CYB5A: variants seen among roughly 807,000 people sequenced by gnomAD.
CYB5A encodes the protein cytochrome b5.
In CYB5A, 10 loss-of-function variants were observed where a neutral mutation model predicts 16.2. That is an observed-to-expected ratio of 0.62 (90% CI 0.38 to 1.04). The LOEUF is 1.04. CYB5A is among the 50% of genes least tolerant of loss of function. The pLI, the probability that CYB5A is intolerant of heterozygous loss-of-function variation, is 0.01. For missense variants in CYB5A, 161 were observed against 165.9 expected, an observed-to-expected ratio of 0.97 and a Z score of 0.16; for synonymous variants, 62 against 57.0, an observed-to-expected ratio of 1.09 and a Z score of -0.40.
chr18:74,281,910 G>GGCCT (rs763355050), intron 1 of CYB5A, among the ~76,000 whole-genome samples: 82 of 152,124 alleles, frequency 5.4e-4, no homozygotes, highest in Middle Eastern at 3.4e-3. Flanking sequence ...GGCCTGGAGG[G>GGCCT]GCCTGGTTTA....
intron 1 of CYB5A, among the ~76,000 whole-genome samples, chr18:74,279,684 G>A (rs1983017355): frequency 6.6e-6 from 1 of 151,974 alleles, no homozygotes; most frequent in African/African-American, 2.4e-5. Flanking sequence ...CAAATAACTA[G>A]GCCTCTCTTT....
At chr18:74,286,804 A>T (rs1983337847) in intron 1 of CYB5A, among the ~76,000 whole-genome samples, 1 of 152,222 alleles carries the variant, frequency 6.6e-6, no homozygotes, top group Admixed American at 6.5e-5. Flanking sequence ...AAAATTGTGC[A>T]TGTTATTTAT....
chr18:74,275,803 T>G (rs1982849662), intron 1 of CYB5A, among the ~76,000 whole-genome samples: 1 of 152,038 alleles, frequency 6.6e-6, no homozygotes, highest in South Asian at 2.1e-4. Flanking sequence ...CCCTTTAGAA[T>G]AGTTAGGATG....
intron 1 of CYB5A, among the ~76,000 whole-genome samples, chr18:74,274,114 G>T (rs1982776748): frequency 6.6e-6 from 1 of 152,200 alleles, no homozygotes; most frequent in South Asian, 2.1e-4. Context: ...AAGAAAAAAT[G>T]AATAGCAGAG....
intron 1 of CYB5A, among the ~76,000 whole-genome samples, chr18:74,267,346 G>A (rs544053632): frequency 4.6e-5 from 7 of 152,164 alleles, no homozygotes; most frequent in African/African-American, 1.7e-4. Flanking sequence ...TAGTAGAGAC[G>A]GGATTTCACC....
intron 1 of CYB5A, among the ~76,000 whole-genome samples, chr18:74,288,966 CAT>C (rs1237352811): frequency 6.6e-6 from 1 of 152,184 alleles, no homozygotes; most frequent in African/African-American, 2.4e-5. Flanking sequence ...CCCAGAACCA[CAT>C]GTTGGCAGAC....
Position 74,260,889 on chromosome 18 carries a change from G to T in CYB5A, c.288+26C>A, listed in dbSNP as rs1424254354. 2.5e-6 allele frequency: 4 copies of T among 1,602,168 alleles called. No individual in the cohort carries two copies. The South Asian group carries it at 4.4e-5, about 18-fold the overall frequency. ...GTATTAAATACAACGAGAACATCCAGAGATACTTGAGATGGTCACACTTAC... is the reference window on the plus strand; with the variant it reads ...GTATTAAATACAACGAGAACATCCATAGATACTTGAGATGGTCACACTTAC... On this transcript the variant is annotated intron_variant, in intron 3 of 4. Coordinates refer to ENST00000340533, the MANE Select transcript of CYB5A (RefSeq NM_148923.4).
intron 1 of CYB5A, among the ~76,000 whole-genome samples, chr18:74,276,473 A>G (rs961686437): frequency 2.0e-5 from 3 of 151,894 alleles, no homozygotes; most frequent in Admixed American, 2.0e-4. Context: ...CTAAACCTCA[A>G]GAAATTTTGT....
At chr18:74,269,093 G>T (rs1355195879) in intron 1 of CYB5A, among the ~76,000 whole-genome samples, 1 of 152,108 alleles carries the variant, frequency 6.6e-6, no homozygotes, top group Non-Finnish European at 1.5e-5. Flanking sequence ...AAATTCAGAA[G>T]ACATTAACTG....
intron 1 of CYB5A, chr18:74,290,873 C>CA (rs1359989832): frequency 7.3e-5 from 11 of 151,634 alleles, no homozygotes; most frequent in Admixed American, 6.6e-4. Flanking sequence ...AGTTAACCAA[C>CA]GTTTCCTATT....
rs766060757 is a variant in CYB5A at position 74,253,492 on chromosome 18, T to A, written c.*92A>T. The A allele has an allele frequency of 1.1e-5, 8 of 758,200 alleles. No individual in the cohort carries two copies. The highest frequency in any genetic ancestry group is 1.7e-5 in the Non-Finnish European group (7 of 423,870). The allele number at this position is 758,200 out of a possible 1,614,324, so 47.0% of individuals were successfully genotyped here. On this transcript the variant is annotated 3_prime_UTR_variant, in exon 5 of 5. Transcript: ENST00000340533. Reference sequence around the variant, plus strand: ...ATATATTAAAATCATTGTTTTCAAGTGAAGGTTTCTGTCAGTTGAAGTAGT... The same window carrying A: ...ATATATTAAAATCATTGTTTTCAAGAGAAGGTTTCTGTCAGTTGAAGTAGT...
At chr18:74,278,013 A>T (rs1982947481) in intron 1 of CYB5A, among the ~76,000 whole-genome samples, 1 of 152,246 alleles carries the variant, frequency 6.6e-6, no homozygotes, top group African/African-American at 2.4e-5. Flanking sequence ...GTCTAGGGAC[A>T]AATAATGATG....
At chr18:74,261,942 AAGG>A (rs1982218190) in intron 2 of CYB5A, among the ~76,000 whole-genome samples, 1 of 152,156 alleles carries the variant, frequency 6.6e-6, no homozygotes, top group Non-Finnish European at 1.5e-5. Context: ...CACAAGTGGG[AAGG>A]CAGGACGGAG....
intron 1 of CYB5A, among the ~76,000 whole-genome samples, chr18:74,283,803 T>C (rs1031956811): frequency 6.6e-6 from 1 of 152,168 alleles, no homozygotes; most frequent in Non-Finnish European, 1.5e-5. Flanking sequence ...GCCCGCAGCC[T>C]GGACTGAAGC....
At chr18:74,289,212 C>A (rs958393155) in intron 1 of CYB5A, among the ~76,000 whole-genome samples, 1 of 152,174 alleles carries the variant, frequency 6.6e-6, no homozygotes, top group Admixed American at 6.5e-5. Context: ...TTGTTTTCAG[C>A]TAATTTACCC....
intron 1 of CYB5A, among the ~76,000 whole-genome samples, chr18:74,280,870 C>T (rs1983071048): frequency 6.6e-6 from 1 of 152,178 alleles, no homozygotes; most frequent in Non-Finnish European, 1.5e-5. Flanking sequence ...ACAACTGCAG[C>T]CATATCCTAA....
At chr18:74,291,614 C>CA (rs1444227424) in intron 1 of CYB5A, 133 bp downstream of exon 1, 2 of 1,355,256 alleles carry the variant, frequency 1.5e-6, no homozygotes, top group Non-Finnish European at 2.0e-6. Context: ...CGTACACGCG[C>CA]AGGTGAGCGA....
chr18:74,275,444 C>T (rs1982832578), intron 1 of CYB5A, among the ~76,000 whole-genome samples: 2 of 152,120 alleles, frequency 1.3e-5, no homozygotes, highest in Admixed American at 6.6e-5. Context: ...ATGAGGCTGT[C>T]CCCAGGACAG....
intron 1 of CYB5A, among the ~76,000 whole-genome samples, chr18:74,267,783 TGTG>T (rs1982501052): frequency 6.6e-6 from 1 of 152,234 alleles, no homozygotes; most frequent in African/African-American, 2.4e-5. Context: ...AAATGGAAGC[TGTG>T]GATCCACTTC....
Sources: allele counts gnomAD v4.1 joint callset (sites outside exome capture counted in the v4.1 genomes callset), GRCh38; gene constraint gnomAD v4.1.1; transcripts MANE v1.5; gene names NCBI Gene and HGNC (gene_info 2026-07-23, HGNC 2026-07-21).